Variants in COL19A1 observed in about 807,000 individuals in gnomAD.
COL19A1 encodes the protein collagen alpha-1(XIX) chain.
A neutral mutation model predicts 190.2 loss-of-function variants in COL19A1; 159 were observed. The ratio of observed to expected loss-of-function variants is 0.84; its 90% confidence interval spans 0.73 to 0.95. The LOEUF (loss-of-function observed/expected upper bound fraction) is 0.95. Ranked by LOEUF, COL19A1 falls within the 40% of genes least tolerant of loss-of-function variation. The pLI is 0.00. For synonymous variants in COL19A1, 509 were observed against 458.9 expected (o/e 1.11, Z -1.39); for missense variants, 1,418 against 1,431.9 (o/e 0.99, Z 0.16).
intron 15 of COL19A1, among the ~76,000 whole-genome samples, chr6:70,079,765 G>A (rs1172175159): frequency 6.6e-6 from 1 of 152,170 alleles, no homozygotes; most frequent in Non-Finnish European, 1.5e-5. Flanking sequence ...AAAGTCAGGG[G>A]ATTATGAACT....
intron 16 of COL19A1, among the ~76,000 whole-genome samples, chr6:70,120,932 T>A (rs1015431259): frequency 6.6e-6 from 1 of 152,188 alleles, no homozygotes; most frequent in African/African-American, 2.4e-5. Context: ...TCTCCACTTT[T>A]CAAAGCTTTC....
intron 11 of COL19A1, among the ~76,000 whole-genome samples, chr6:69,967,293 G>A (rs1775172079): frequency 6.6e-6 from 1 of 152,122 alleles, no homozygotes; most frequent in Admixed American, 6.5e-5. Flanking sequence ...TTCCATTTGG[G>A]AAATGAAAGT....
intron 16 of COL19A1, among the ~76,000 whole-genome samples, chr6:70,104,726 T>A (rs148120518): frequency 5.3e-5 from 8 of 152,244 alleles, no homozygotes; most frequent in Admixed American, 5.2e-4. Flanking sequence ...AGCTGGTGAA[T>A]GCTAACAGGC....
chr6:70,060,335 T>C (rs568508358), intron 14 of COL19A1, among the ~76,000 whole-genome samples: 4 of 152,248 alleles, frequency 2.6e-5, no homozygotes, highest in Admixed American at 2.6e-4. Context: ...CTTCTATAAG[T>C]ATTGTAGAGG....
At chr6:70,066,150 G>A (rs530590785) in intron 14 of COL19A1, among the ~76,000 whole-genome samples, 7 of 152,232 alleles carry the variant, frequency 4.6e-5, no homozygotes, top group East Asian at 1.9e-4. Context: ...ACATGCACAC[G>A]TATGTTTATT....
intron 14 of COL19A1, among the ~76,000 whole-genome samples, chr6:70,039,737 T>C (rs1478416367): frequency 2.0e-5 from 3 of 151,898 alleles, no homozygotes; most frequent in Non-Finnish European, 4.4e-5. Context: ...GGCAATCCTT[T>C]ATGATGTTTT....
intron 12 of COL19A1, among the ~76,000 whole-genome samples, chr6:70,025,112 C>G (rs929109678): frequency 3.5e-4 from 53 of 151,244 alleles, no homozygotes; most frequent in Non-Finnish European, 2.9e-5. Flanking sequence ...CTCACTGCAA[C>G]CTCCGCCTCC....
chr6:70,029,922 C>A (rs988474686), intron 12 of COL19A1, among the ~76,000 whole-genome samples: 2 of 152,116 alleles, frequency 1.3e-5, no homozygotes, highest in Non-Finnish European at 2.9e-5. Context: ...AATGTCTCTA[C>A]AACATATGAT....
chr6:70,120,888 G>A (rs1232638346), intron 16 of COL19A1, among the ~76,000 whole-genome samples: 3 of 152,190 alleles, frequency 2.0e-5, no homozygotes, highest in African/African-American at 7.2e-5. Context: ...ACCTGCATCA[G>A]TGAGTGCAGC....
chr6:70,055,781 T>TAAAAAAAAAAA (rs55871207), intron 14 of COL19A1, among the ~76,000 whole-genome samples: 2 of 117,446 alleles, frequency 1.7e-5, no homozygotes, highest in African/African-American at 6.9e-5. Context: ...AACTCTGTAT[T>TAAAAAAAAAAA]AAAAAAAAAA....
At chr6:70,128,220 T>C (rs1218725345) in intron 17 of COL19A1, among the ~76,000 whole-genome samples, 3 of 152,200 alleles carry the variant, frequency 2.0e-5, no homozygotes, top group Non-Finnish European at 2.9e-5. Flanking sequence ...CTAAGGGAAG[T>C]ATATGCGGGG....
intron 9 of COL19A1, among the ~76,000 whole-genome samples, chr6:69,942,679 T>C (rs1773546762): frequency 6.6e-6 from 1 of 152,022 alleles, no homozygotes; most frequent in African/African-American, 2.4e-5. Context: ...GACTCGTCCA[T>C]GTTGCTGCAA....
chr6:70,075,575 A>G (rs1181407017), intron 15 of COL19A1, among the ~76,000 whole-genome samples: 1 of 152,242 alleles, frequency 6.6e-6, no homozygotes, highest in Non-Finnish European at 1.5e-5. Context: ...AACAACTTCT[A>G]GCACAGGCTA....
At chr6:70,128,906 G>A (rs1785352847) in intron 17 of COL19A1, among the ~76,000 whole-genome samples, 1 of 152,180 alleles carries the variant, frequency 6.6e-6, no homozygotes, top group African/African-American at 2.4e-5. Context: ...CACAGAGCCT[G>A]GAAGATAGTG....
At chr6:69,943,884 G>A (rs1384468506) in intron 9 of COL19A1, among the ~76,000 whole-genome samples, 1 of 152,074 alleles carries the variant, frequency 6.6e-6, no homozygotes, top group Non-Finnish European at 1.5e-5. Context: ...ATTCCGAATA[G>A]TCATGTAAGC....
chr6:70,021,951 C>T lies in COL19A1; in HGVS notation c.1027-1676C>T, dbSNP rs534670001. On this transcript the variant is annotated intron_variant, in intron 11 of 50. Transcript: ENST00000620364. ...TATTTTTACTGGTTGTGTTTGTATG[C>T]AGTTTTGTTTGTTTTGTATATTGTA... 5.9e-5 allele frequency among the ~76,000 whole-genome samples: 9 copies of T among 152,130 alleles called. No homozygotes were observed. In the South Asian group the frequency reaches 1.0e-3, roughly 18 times the overall value.
chr6:70,113,314 A>G (rs1321664400), intron 16 of COL19A1, among the ~76,000 whole-genome samples: 1 of 152,192 alleles, frequency 6.6e-6, no homozygotes, highest in African/African-American at 2.4e-5. Flanking sequence ...ATTGTACTGT[A>G]TCACTTAAAT....
intron 16 of COL19A1, among the ~76,000 whole-genome samples, chr6:70,112,552 A>G (rs1386776609): frequency 1.3e-5 from 2 of 152,120 alleles, no homozygotes; most frequent in Non-Finnish European, 2.9e-5. Context: ...CCACTCTATC[A>G]ATAAGGCAGT....
chr6:70,027,343 CT>C (rs1354848704), intron 12 of COL19A1, among the ~76,000 whole-genome samples: 2 of 152,128 alleles, frequency 1.3e-5, no homozygotes, highest in East Asian at 3.8e-4. Context: ...AAAGTGTAAA[CT>C]TTAATTTAAA....
Sources: gnomAD v4.1 joint callset for allele counts (sites outside exome capture counted in the v4.1 genomes callset) on GRCh38, gnomAD v4.1.1 for gene constraint, MANE v1.5 for transcripts, NCBI Gene and HGNC (gene_info 2026-07-23, HGNC 2026-07-21) for gene names.